The following PHAX variants were observed in gnomAD, a reference collection of about 807,000 sequenced individuals.
PHAX encodes phosphorylated adapter RNA export protein.
Under a neutral mutation model 41.6 loss-of-function variants are expected in PHAX, and 31 were observed. That is an observed-to-expected ratio of 0.75 (90% CI 0.56 to 1.01). The LOEUF (loss-of-function observed/expected upper bound fraction) is 1.01, where lower values mean the gene tolerates loss of function less well. Among genes scored for constraint, PHAX ranks in the 50% least tolerant of loss-of-function variants. PHAX has a pLI of 0.00. For synonymous variants in PHAX, 175 were observed against 164.9 expected, an observed-to-expected ratio of 1.06 and a Z score of -0.47; for missense variants, 453 against 472.9, an observed-to-expected ratio of 0.96 and a Z score of 0.39.
chr5:126,611,367 T>A (rs1752095966), intron 3 of PHAX, among the ~76,000 whole-genome samples: 1 of 152,236 alleles, frequency 6.6e-6, no homozygotes, highest in South Asian at 2.1e-4. Context: ...AAATTTACTT[T>A]CTTTGGATAC....
rs1030500306 is a variant in PHAX at position 126,625,211 on chromosome 5, A to T, written c.*367A>T. 1.7e-5 allele frequency: 3 copies of T among 172,178 alleles called. No homozygotes were observed. The highest frequency in any genetic ancestry group is 7.1e-5 in the African/African-American group (3 of 42,032). 10.7% of individuals were successfully genotyped at this position (172,178 alleles called of 1,614,324 possible). A position where few individuals can be genotyped will look rare whatever the true frequency, so the allele number is the denominator to read the frequency against. On this transcript the variant is annotated 3_prime_UTR_variant, in exon 5 of 5. Transcript: ENST00000297540. ...CTTTGCTTTAAAACATTCCGCTAAA[A>T]TCATAATGGGACATATAAATTATTA...
intron 3 of PHAX, among the ~76,000 whole-genome samples, chr5:126,615,376 A>T (rs1246505680): frequency 6.6e-6 from 1 of 152,140 alleles, no homozygotes; most frequent in Non-Finnish European, 1.5e-5. Flanking sequence ...TGTCTAAAAA[A>T]ATTTGAGTTG....
At chr5:126,622,561 A>G (rs887839773) in intron 4 of PHAX, among the ~76,000 whole-genome samples, 1 of 146,168 alleles carries the variant, frequency 6.8e-6, no homozygotes, top group Admixed American at 7.2e-5. Flanking sequence ...CTGAAATGCT[A>G]GGATTACAAG....
chr5:126,603,586 A>G lies in PHAX; in HGVS notation c.113A>G (p.Asp38Gly). ...PLQLPKVLGG[D>G]SAMRAFQNTA... is the part of the protein sequence containing the mutation. Reference sequence around the variant, plus strand: ...CACTTGCAGAAAGTGCTAGGTGGCGACAGTGCTATGAGGGCCTTCCAGAAC... The same window carrying G: ...CACTTGCAGAAAGTGCTAGGTGGCGGCAGTGCTATGAGGGCCTTCCAGAAC... Residue 38 changes from aspartate (D) to glycine (G), a missense_variant, in exon 2 of 5, where the codon GAC becomes GGC. Transcript: ENST00000297540. 1 of 1,608,230 alleles carries G rather than the reference A, an allele frequency of 6.2e-7. No individual in the cohort carries two copies. Among genetic ancestry groups the G allele is most frequent in the Non-Finnish European group, 8.5e-7 (1 of 1,175,006 alleles).
chr5:126,602,887 C>T (rs1170054181), intron 1 of PHAX, among the ~76,000 whole-genome samples: 2 of 151,964 alleles, frequency 1.3e-5, no homozygotes, highest in Non-Finnish European at 2.9e-5. Context: ...CGCCTGTAGT[C>T]CCAGCTACTC....
chr5:126,623,120 T>G (rs1581423865), intron 4 of PHAX, among the ~76,000 whole-genome samples: 1 of 151,312 alleles, frequency 6.6e-6, no homozygotes, highest in African/African-American at 2.4e-5. Flanking sequence ...AGCCAGACTC[T>G]GTCTCAAAAA....
At position 126,601,070 on chromosome 5, in the gene PHAX, AGGAGGGT is replaced by A; in HGVS notation, c.96+15_96+21del. On this transcript the variant is annotated intron_variant, in intron 1 of 4. Transcript: ENST00000297540. ...CGCTGCAATTGCCAGTGAGTGTGAA[AGGAGGGT>A]GGGTGATCGTGGCTGGGCGCGCGGA... is the stretch of plus-strand genomic sequence containing the variant. 1 of 1,590,594 alleles carries A rather than the reference AGGAGGGT, an allele frequency of 6.3e-7. No homozygotes were observed. Among genetic ancestry groups the A allele is most frequent in the Non-Finnish European group, 8.6e-7 (1 of 1,164,482 alleles).
chr5:126,601,417 T>G (rs569703476), intron 1 of PHAX, among the ~76,000 whole-genome samples: 4 of 152,256 alleles, frequency 2.6e-5, no homozygotes, highest in African/African-American at 9.6e-5. Flanking sequence ...CGCTCTTTCT[T>G]TTCTAAACTT....
chr5:126,609,120 A>G lies in PHAX; in HGVS notation c.831+636A>G, dbSNP rs1337668413. ...ATTTTTTTTTTTTTTTTTTTTTTTG[A>G]GAAGGAGTCTCGCTCTGTCGCCCAG... On this transcript the variant is annotated intron_variant, in intron 3 of 4. Transcript: ENST00000297540. 1.3e-3 allele frequency among the ~76,000 whole-genome samples: 62 copies of G among 48,804 alleles called. 2 individuals are homozygous for G. The highest frequency in any genetic ancestry group is 8.9e-3 in the African/African-American group (52 of 5,844). 32.0% of individuals were successfully genotyped at this position (48,804 alleles called of 152,430 possible). A position where few individuals can be genotyped will look rare whatever the true frequency, so the allele number is the denominator to read the frequency against.
At chr5:126,620,387 G>A (rs983609691) in intron 4 of PHAX, among the ~76,000 whole-genome samples, 2 of 152,082 alleles carry the variant, frequency 1.3e-5, no homozygotes, top group African/African-American at 2.4e-5. Flanking sequence ...ATATTCTCAG[G>A]CAGGAGAAAA....
intron 1 of PHAX, among the ~76,000 whole-genome samples, chr5:126,601,776 C>A (rs1751908000): frequency 1.3e-5 from 2 of 152,194 alleles, no homozygotes; most frequent in Admixed American, 1.3e-4. Context: ...AAGCGATTCT[C>A]CTGCCTCAGC....
Position 126,621,890 on chromosome 5 carries a change from T to C in PHAX, c.916-2685T>C, listed in dbSNP as rs568408007. 3.9e-3 allele frequency among the ~76,000 whole-genome samples: 588 copies of C among 152,348 alleles called. 6 individuals carry two copies. The highest frequency in any genetic ancestry group is 5.5e-3 in the Non-Finnish European group (374 of 68,038). ...TTAACAACATGTTGCAACAACATTT[T>C]GGGGACCATTTCCCACTTTGTTCTA... On this transcript the variant is annotated intron_variant, in intron 4 of 4. Coordinates refer to ENST00000297540, the MANE Select transcript of PHAX (RefSeq NM_032177.4).
At chr5:126,620,216 C>G (rs988055933) in intron 4 of PHAX, among the ~76,000 whole-genome samples, 1 of 152,150 alleles carries the variant, frequency 6.6e-6, no homozygotes, top group Non-Finnish European at 1.5e-5. Context: ...ACAACTGTTT[C>G]AGTAACATGA....
intron 3 of PHAX, among the ~76,000 whole-genome samples, chr5:126,615,461 T>A (rs1752168952): frequency 6.6e-6 from 1 of 151,752 alleles, no homozygotes; most frequent in African/African-American, 2.4e-5. Flanking sequence ...TATAAACAGG[T>A]GTTCTTTTCA....
intron 1 of PHAX, among the ~76,000 whole-genome samples, chr5:126,603,184 A>AC (rs1272879511): frequency 6.6e-6 from 1 of 151,770 alleles, no homozygotes; most frequent in Non-Finnish European, 1.5e-5. Context: ...GAGCCATGAT[A>AC]GCTCCACTGC....
chr5:126,612,281 G>C (rs1466697456), intron 3 of PHAX, among the ~76,000 whole-genome samples: 2 of 152,188 alleles, frequency 1.3e-5, no homozygotes, highest in Non-Finnish European at 2.9e-5. Flanking sequence ...GCATGAGAGA[G>C]TGAGTAGGAT....
At position 126,603,057 on chromosome 5, in the gene PHAX, G is replaced by A. The variant is rs538929338; in HGVS notation, c.97-513G>A. ...AGCCTGGGCAACTTGGCAAGACCCC[G>A]TCTCTACCAAAAAATGCAAAAAAAA... On this transcript the variant is annotated intron_variant, in intron 1 of 4. Coordinates refer to ENST00000297540, the MANE Select transcript of PHAX (RefSeq NM_032177.4). 1.5e-3 allele frequency among the ~76,000 whole-genome samples: 215 copies of A among 141,014 alleles called. 1 individual carries two copies. The highest frequency in any genetic ancestry group is 1.5e-3 in the Non-Finnish European group (97 of 66,706). The allele number at this position is 141,014 out of a possible 152,430, so 92.5% of individuals were successfully genotyped here.
chr5:126,623,436 A>G (rs527702161), intron 4 of PHAX, among the ~76,000 whole-genome samples: 1 of 152,328 alleles, frequency 6.6e-6, no homozygotes, highest in South Asian at 2.1e-4. Flanking sequence ...TGTGAGGACG[A>G]AATGAGTTAA....
rs756131701 is a variant in PHAX at position 126,603,880 on chromosome 5, T to G, written c.407T>G (p.Ile136Ser). 1.2e-6 allele frequency: 2 copies of G among 1,614,080 alleles called. No individual in the cohort carries two copies. The highest frequency in any genetic ancestry group is 1.7e-6 in the Non-Finnish European group (2 of 1,180,030). ...NQDAVATELG[I>S]LGMEGTIDRS... ...GATGCAGTGGCCACTGAACTTGGTATCTTGGGAATGGAGGGCACTATTGAC... is the reference window on the plus strand; with the variant it reads ...GATGCAGTGGCCACTGAACTTGGTAGCTTGGGAATGGAGGGCACTATTGAC... The change falls in exon 2 of 5, where the codon ATC becomes AGC. Residue 136 changes from isoleucine (I) to serine (S), a missense_variant. Transcript: ENST00000297540.
Sources: allele counts gnomAD v4.1 joint callset (sites outside exome capture counted in the v4.1 genomes callset), GRCh38; gene constraint gnomAD v4.1.1; transcripts MANE v1.5; gene names NCBI Gene and HGNC (gene_info 2026-07-23, HGNC 2026-07-21).